The following PCDH15 variants were observed in gnomAD, a reference collection of about 807,000 sequenced individuals.
The protein encoded by PCDH15 is protocadherin-15.
In PCDH15, 129 loss-of-function variants were observed where a neutral mutation model predicts 178.5. The observed-to-expected ratio is 0.72, with a 90% CI of 0.63 to 0.84. The LOEUF is 0.84. Ranked by LOEUF, PCDH15 falls within the 40% of genes least tolerant of loss-of-function variation. The pLI is 0.00. For synonymous variants in PCDH15, 800 were observed against 732.0 expected, an observed-to-expected ratio of 1.09 and a Z score of -1.50; for missense variants, 2,230 against 2,099.9, an observed-to-expected ratio of 1.06 and a Z score of -1.21.
chr10:54,219,797 G>A (rs982080525), intron 9 of PCDH15, among the ~76,000 whole-genome samples: 6 of 151,692 alleles, frequency 4.0e-5, no homozygotes, highest in Non-Finnish European at 7.4e-5. Flanking sequence ...AATAAGGATT[G>A]TTATACTTTT....
intron 26 of PCDH15, among the ~76,000 whole-genome samples, chr10:53,871,928 C>A (rs2079895636): frequency 6.6e-6 from 1 of 151,920 alleles, no homozygotes; most frequent in Admixed American, 6.6e-5. Context: ...GGCGGATCAC[C>A]TGAGGTCACA....
intron 1 of PCDH15, among the ~76,000 whole-genome samples, chr10:54,731,463 T>G (rs1943318395): frequency 6.7e-6 from 1 of 148,738 alleles, no homozygotes; most frequent in African/African-American, 2.5e-5. Context: ...TTCACTCCCA[T>G]GTTTATTGCA....
chr10:54,332,889 TAG>T (rs1011452828), intron 6 of PCDH15, among the ~76,000 whole-genome samples: 2 of 152,076 alleles, frequency 1.3e-5, no homozygotes, highest in African/African-American at 4.8e-5. Context: ...ATCTATCCTT[TAG>T]AGATTTTATA....
intron 1 of PCDH15, among the ~76,000 whole-genome samples, chr10:55,207,706 C>T (rs552952323): frequency 5.9e-5 from 9 of 152,220 alleles, no homozygotes; most frequent in East Asian, 1.9e-4. Context: ...CCATGGCTTA[C>T]GCCTGTAGTC....
chr10:54,665,039 T>A (rs530490567), intron 1 of PCDH15, among the ~76,000 whole-genome samples: 2 of 151,876 alleles, frequency 1.3e-5, no homozygotes, highest in African/African-American at 2.4e-5. Context: ...CACACAGAAT[T>A]GTTCAAAATG....
At chr10:55,233,950 A>G (rs1841301801) in intron 1 of PCDH15, among the ~76,000 whole-genome samples, 1 of 152,120 alleles carries the variant, frequency 6.6e-6, no homozygotes, top group Admixed American at 6.5e-5. Context: ...GATGAAGCCA[A>G]TATTAAAACT....
At chr10:54,817,026 C>A (rs1013704597) in intron 3 of PCDH15, among the ~76,000 whole-genome samples, 3 of 151,996 alleles carry the variant, frequency 2.0e-5, no homozygotes, top group African/African-American at 7.2e-5. Flanking sequence ...GAAAGGCAGG[C>A]AACCTAAACC....
chr10:54,021,811 T>C (rs974936916), intron 19 of PCDH15, among the ~76,000 whole-genome samples: 1 of 151,970 alleles, frequency 6.6e-6, no homozygotes, highest in African/African-American at 2.4e-5. Context: ...AAATTTGTTT[T>C]GTTCACCTTT....
chr10:53,924,205 G>A (rs2133906584), intron 25 of PCDH15, among the ~76,000 whole-genome samples: 1 of 152,312 alleles, frequency 6.6e-6, no homozygotes, highest in African/African-American at 2.4e-5. Flanking sequence ...CGGGAACCGG[G>A]GCTGCATGTG....
At chr10:53,930,746 C>G (rs10763029) in intron 25 of PCDH15, among the ~76,000 whole-genome samples, 78,531 of 151,886 alleles carry the variant, frequency 0.52, 21,962 homozygotes, top group Middle Eastern at 0.69. Flanking sequence ...TACACTCTTA[C>G]GTTTCTTCCC....
intron 2 of PCDH15, among the ~76,000 whole-genome samples, chr10:55,139,261 C>T (rs1006995938): frequency 1.3e-5 from 2 of 151,642 alleles, no homozygotes; most frequent in African/African-American, 2.4e-5. Context: ...ATCCTCTTAT[C>T]GAGGTATTTG....
intron 1 of PCDH15, among the ~76,000 whole-genome samples, chr10:55,295,127 T>A (rs1199180115): frequency 6.6e-6 from 1 of 152,208 alleles, no homozygotes; most frequent in African/African-American, 2.4e-5. Flanking sequence ...CAACATCATT[T>A]AAAAGAAAAA....
In PCDH15 at chr10:54,731,958, C is replaced by T. The variant is rs548839230; in HGVS notation, c.-28-67668G>A. Among the ~76,000 whole-genome samples, 32 of 151,024 alleles carry T rather than the reference C, an allele frequency of 2.1e-4. No homozygotes were observed. The Admixed American group carries it at 2.1e-3, about 10-fold the overall frequency. The stretch of plus-strand genomic sequence containing the variant: ...AATACTAAGAATAATTTGAATGTTT[C>T]TAGCATAAACAATAAATATTTAATG... On this transcript the variant is annotated intron_variant, in intron 1 of 37. Coordinates refer to ENST00000644397, the MANE Select transcript of PCDH15 (RefSeq NM_001384140.1).
chr10:54,344,920 A>AAAAC (rs1554915193), intron 6 of PCDH15, among the ~76,000 whole-genome samples: 18 of 145,242 alleles, frequency 1.2e-4, no homozygotes, highest in South Asian at 4.3e-4. Flanking sequence ...AAAAAAAAAA[A>AAAAC]AAAAAACAAG....
intron 2 of PCDH15, among the ~76,000 whole-genome samples, chr10:55,540,813 AG>A (rs1423636407): frequency 1.3e-5 from 2 of 152,076 alleles, no homozygotes; most frequent in East Asian, 3.8e-4. Context: ...ACTCTTAATA[AG>A]TAATGGAGAA....
intron 30 of PCDH15, 141 bp downstream of exon 30, chr10:53,831,174 G>A (rs1299495440): frequency 3.6e-6 from 3 of 828,050 alleles, no homozygotes. Flanking sequence ...AAATCATTTG[G>A]TACGAGATAG....
At chr10:54,421,433 C>T (rs1303943024) in intron 3 of PCDH15, among the ~76,000 whole-genome samples, 1 of 149,602 alleles carries the variant, frequency 6.7e-6, no homozygotes, top group East Asian at 1.9e-4. Context: ...CATTAGTGTA[C>T]ATTAGTGAGC....
At chr10:54,541,446 A>T (rs1437035435) in intron 2 of PCDH15, among the ~76,000 whole-genome samples, 2 of 152,152 alleles carry the variant, frequency 1.3e-5, no homozygotes. Context: ...TTTCTTTTTA[A>T]AAATTATCTG....
chr10:54,490,046 A>G (rs936440463), intron 3 of PCDH15, among the ~76,000 whole-genome samples: 9 of 152,242 alleles, frequency 5.9e-5, no homozygotes, highest in African/African-American at 1.9e-4. Context: ...CTTCTCTGAC[A>G]TGAACACTTT....
Sources: gnomAD v4.1 joint callset for allele counts (sites outside exome capture counted in the v4.1 genomes callset) on GRCh38, gnomAD v4.1.1 for gene constraint, MANE v1.5 for transcripts, NCBI Gene and HGNC (gene_info 2026-07-23, HGNC 2026-07-21) for gene names.